Variants in NBPF26 observed in about 807,000 individuals in gnomAD.
The protein encoded by NBPF26 is NBPF member 26, also known as NBPF family member NBPF26.
Under a neutral mutation model 119.6 loss-of-function variants are expected in NBPF26, and 79 were observed. That is an observed-to-expected ratio of 0.66 (90% CI 0.55 to 0.80). The LOEUF (loss-of-function observed/expected upper bound fraction) is 0.80. NBPF26 is among the 30% of genes least tolerant of loss of function. The probability of loss-of-function intolerance (pLI) is 0.00; values close to 1 mark genes in which losing one functional copy is unlikely to be tolerated. For missense variants in NBPF26, 800 were observed against 1,198.2 expected (o/e 0.67, Z 4.91); for synonymous variants, 299 against 457.7 (o/e 0.65, Z 4.43).
At position 120,816,837 on chromosome 1, in the gene NBPF26, G is replaced by C; in HGVS notation, c.2371+10G>C. ...GTACACATTATTCCAGGTAGCCTCT[G>C]TTTTCCTTGTGTCTCATACCTCTTT... is the stretch of plus-strand genomic sequence containing the variant. On this transcript the variant is annotated intron_variant, in intron 14 of 29. Coordinates refer to ENST00000620612, the Ensembl canonical transcript of NBPF26. 4 of 1,448,586 alleles carry C rather than the reference G, an allele frequency of 2.8e-6. 1 individual carries two copies. The South Asian group carries it at 4.8e-5, about 17-fold the overall frequency. The allele number at this position is 1,448,586 out of a possible 1,614,324, so 89.7% of individuals were successfully genotyped here.
Position 120,823,915 on chromosome 1 carries a change from G to A in NBPF26, c.2640-59G>A. 4.0e-6 allele frequency: 2 copies of A among 496,992 alleles called. 1 individual carries two copies. The highest frequency in any genetic ancestry group is 7.1e-6 in the Non-Finnish European group (2 of 280,094). 30.8% of individuals were successfully genotyped at this position (496,992 alleles called of 1,614,324 possible). A position where few individuals can be genotyped will look rare whatever the true frequency, so the allele number is the denominator to read the frequency against. On this transcript the variant is annotated intron_variant, in intron 17 of 29. Coordinates refer to ENST00000620612, the Ensembl canonical transcript of NBPF26. ...CTTACATTAGCCATGAAATCTAGCT[G>A]GGGCTGTGTGGTTTCTGATTCCCCC...
rs1323090899 is a variant in NBPF26 at position 120,776,097 on chromosome 1, C to T, written c.156-8877C>T. Among the ~76,000 whole-genome samples, 2 of 116,196 alleles carry T rather than the reference C, an allele frequency of 1.7e-5. 1 individual carries two copies. The highest frequency in any genetic ancestry group is 3.3e-5 in the Non-Finnish European group (2 of 60,888). The allele number at this position is 116,196 out of a possible 152,430, so 76.2% of individuals were successfully genotyped here. The stretch of plus-strand genomic sequence containing the variant: ...GATTCCACAGAGCCCTTCACTTTGA[C>T]CTTTTGCTTCTGCACTGAATAGTTG... On this transcript the variant is annotated intron_variant, in intron 2 of 29. Transcript: ENST00000620612.
At chr1:120,752,609 C>T (rs1340638774) in intron 1 of NBPF26, among the ~76,000 whole-genome samples, 1 of 28,500 alleles carries the variant, frequency 3.5e-5, no homozygotes, top group Non-Finnish European at 5.0e-5. Context: ...CTTGCTCTGT[C>T]GCCCAGGCTG....
chr1:120,758,211 C>T lies in NBPF26; in HGVS notation c.74-5417C>T, dbSNP rs1347702569. Among the ~76,000 whole-genome samples the T allele has an allele frequency of 1.6e-5, 2 of 122,034 alleles. 1 individual carries two copies. Among genetic ancestry groups the T allele is most frequent in the South Asian group, 4.9e-4 (2 of 4,082 alleles). The allele number at this position is 122,034 out of a possible 152,430, so 80.1% of individuals were successfully genotyped here. On this transcript the variant is annotated intron_variant, in intron 1 of 29. Coordinates refer to ENST00000620612, the Ensembl canonical transcript of NBPF26. ...TAATACTGGGCAGGTAAGGTAAGCT[C>T]TGATCTGGAAGGCCAGCATGGGAGC...
At chr1:120,728,555 C>T (rs1650840597) in intron 1 of NBPF26, among the ~76,000 whole-genome samples, 1 of 117,550 alleles carries the variant, frequency 8.5e-6, no homozygotes, top group Admixed American at 8.1e-5. Context: ...CTGCCTCTCA[C>T]TCAAGTTTGC....
At chr1:120,801,979 C>T (rs1212213189) in intron 4 of NBPF26, among the ~76,000 whole-genome samples, 4 of 110,406 alleles carry the variant, frequency 3.6e-5, no homozygotes, top group Non-Finnish European at 6.9e-5. Context: ...GGGAGAGAAA[C>T]ACGTACTTGG....
intron 21 of NBPF26, among the ~76,000 whole-genome samples, chr1:120,831,768 T>TGC (rs1652345557): frequency 4.6e-5 from 1 of 21,946 alleles, no homozygotes. Flanking sequence ...TGTGTGTGTG[T>TGC]GTGTGTGTGT....
chr1:120,804,262 C>T lies in NBPF26; in HGVS notation c.752-1294C>T, dbSNP rs1449171573. ...TAGGTGGGGATGAAAGCTGAGAAAGCGAAGAGGTGGTTCAGAGGATCACTG... is the reference window on the plus strand; with the variant it reads ...TAGGTGGGGATGAAAGCTGAGAAAGTGAAGAGGTGGTTCAGAGGATCACTG... On this transcript the variant is annotated intron_variant, in intron 4 of 29. Coordinates refer to ENST00000620612, the Ensembl canonical transcript of NBPF26. Among the ~76,000 whole-genome samples the T allele has an allele frequency of 2.6e-4, 27 of 104,996 alleles. 3 individuals carry two copies. Among genetic ancestry groups the T allele is most frequent in the South Asian group, 5.4e-4 (2 of 3,706 alleles). The allele number at this position is 104,996 out of a possible 152,430, so 68.9% of individuals were successfully genotyped here.
Position 120,805,690 on chromosome 1 carries a change from C to A in NBPF26, c.886C>A (p.Gln296Lys). 5 of 1,457,674 alleles carry A rather than the reference C, an allele frequency of 3.4e-6. 1 individual carries two copies. In the South Asian group the frequency reaches 5.9e-5, roughly 17 times the overall value. The allele number at this position is 1,457,674 out of a possible 1,614,324, so 90.3% of individuals were successfully genotyped here. A position where few individuals can be genotyped will look rare whatever the true frequency, so the allele number is the denominator to read the frequency against. The change falls in exon 5 of 30, where the codon CAG becomes AAG. Residue 296 changes from glutamine (Q) to lysine (K), a missense_variant. Gln to Lys is a moderately conservative substitution (Grantham distance 53). Around this residue, in one of 13 missense-constraint regions of NBPF26, gnomAD observed 155 missense variants for 143.7 expected, o/e 1.08. Coordinates refer to ENST00000620612, the Ensembl canonical transcript of NBPF26. The stretch of plus-strand genomic sequence containing the variant: ...CCCCCAGCTGCCAGAGAACAAACAG[C>A]AGTTGAGAAACCTCAAAGAGAAATG...
At chr1:120,752,548 ATATATAT>A (rs1410027912) in intron 1 of NBPF26, among the ~76,000 whole-genome samples, 1 of 11,278 alleles carries the variant, frequency 8.9e-5, no homozygotes, top group African/African-American at 4.6e-4. Flanking sequence ...ATATATATAT[ATATATAT>A]TTTTTTTTTT....
chr1:120,727,514 T>A (rs1650828110), intron 1 of NBPF26, among the ~76,000 whole-genome samples: 1 of 107,328 alleles, frequency 9.3e-6, no homozygotes, highest in South Asian at 2.8e-4. Context: ...TTAGATGATA[T>A]AATAAATTCT....
At chr1:120,784,204 G>A (rs1651397014) in intron 2 of NBPF26, among the ~76,000 whole-genome samples, 1 of 118,322 alleles carries the variant, frequency 8.5e-6, no homozygotes, top group African/African-American at 4.9e-5. Flanking sequence ...ATTTTAAATA[G>A]AAATCAAACT....
chr1:120,778,610 T>TTA lies in NBPF26; in HGVS notation c.156-6364_156-6363insTA, dbSNP rs1349087640. Among the ~76,000 whole-genome samples the TTA allele has an allele frequency of 1.1e-4, 4 of 37,922 alleles. No individual in the cohort carries two copies. The African/African-American group carries it at 1.1e-3, about 11-fold the overall frequency. The allele number at this position is 37,922 out of a possible 152,430, so 24.9% of individuals were successfully genotyped here. A position where few individuals can be genotyped will look rare whatever the true frequency, so the allele number is the denominator to read the frequency against. On this transcript the variant is annotated intron_variant, in intron 2 of 29. Transcript: ENST00000620612. Reference sequence around the variant, plus strand: ...TTTTTGAATGGCCAAATCCTCGTTTTAAAAAAAAAAAAAAAAAAAAAAGCT... The same window carrying TTA: ...TTTTTGAATGGCCAAATCCTCGTTTTTAAAAAAAAAAAAAAAAAAAAAAAGCT...
rs1210495415 is a variant in NBPF26 at position 120,727,709 on chromosome 1, A to G, written c.73+3459A>G. Among the ~76,000 whole-genome samples, 12 of 113,320 alleles carry G rather than the reference A, an allele frequency of 1.1e-4. 2 individuals are homozygous for G. Among genetic ancestry groups the G allele is most frequent in the Non-Finnish European group, 2.0e-4 (12 of 59,728 alleles). The allele number at this position is 113,320 out of a possible 152,430, so 74.3% of individuals were successfully genotyped here. A position where few individuals can be genotyped will look rare whatever the true frequency, so the allele number is the denominator to read the frequency against. ...TTTCTTTATATTGTGTTCACAGTCCATAGTTACATGCTTCCTTTCTTGATG... is the reference window on the plus strand; with the variant it reads ...TTTCTTTATATTGTGTTCACAGTCCGTAGTTACATGCTTCCTTTCTTGATG... On this transcript the variant is annotated intron_variant, in intron 1 of 29. Coordinates refer to ENST00000620612, the Ensembl canonical transcript of NBPF26.
chr1:120,818,493 C>T (rs1329841615), intron 15 of NBPF26, among the ~76,000 whole-genome samples: 1 of 124,574 alleles, frequency 8.0e-6, no homozygotes, highest in Admixed American at 7.7e-5. Context: ...TTTAGTTCTG[C>T]TCTGATCTTA....
rs1303392829 is a variant in NBPF26, at chr1:120,832,635, G to T, written c.3263-240G>T. Among the ~76,000 whole-genome samples, 11 of 121,424 alleles carry T rather than the reference G, an allele frequency of 9.1e-5. 1 individual carries two copies. Among genetic ancestry groups the T allele is most frequent in the African/African-American group, 4.1e-4 (9 of 21,720 alleles). The allele number at this position is 121,424 out of a possible 152,430, so 79.7% of individuals were successfully genotyped here. On this transcript the variant is annotated intron_variant, in intron 22 of 29. Transcript: ENST00000620612. The stretch of plus-strand genomic sequence containing the variant: ...TGGCATAACTGTTTGCACAAACTTG[G>T]GACAAATGATATTGGGATAACGATC...
intron 4 of NBPF26, among the ~76,000 whole-genome samples, chr1:120,802,321 T>G (rs1209805337): frequency 7.9e-6 from 1 of 126,030 alleles, no homozygotes; most frequent in Non-Finnish European, 1.6e-5. Flanking sequence ...CTGATCAACT[T>G]GGGGGTAGGA....
chr1:120,759,511 A>G (rs1468524604), intron 1 of NBPF26, among the ~76,000 whole-genome samples: 2 of 79,858 alleles, frequency 2.5e-5, no homozygotes, highest in East Asian at 5.6e-4. Context: ...GCTGCCTTCA[A>G]TTTTATTGTT....
chr1:120,764,265 T>A (rs1353551416), intron 2 of NBPF26, among the ~76,000 whole-genome samples: 82,563 of 104,430 alleles, frequency 0.79, 36,213 homozygotes, highest in African/African-American at 0.87. Context: ...ATAAAAAAAA[T>A]ATATAAAAAA....
Sources: allele counts gnomAD v4.1 joint callset (sites outside exome capture counted in the v4.1 genomes callset), GRCh38; gene constraint gnomAD v4.1.1; regional missense constraint gnomAD v4.1.1; transcripts MANE v1.5; gene names NCBI Gene and HGNC (gene_info 2026-07-23, HGNC 2026-07-21).